The following CMTM7 variants were observed in gnomAD, a reference collection of about 807,000 sequenced individuals.
The protein encoded by CMTM7 is CKLF-like MARVEL transmembrane domain-containing protein 7.
Under a neutral mutation model 19.3 loss-of-function variants are expected in CMTM7, and 7 were observed. The observed-to-expected ratio is 0.36, with a 90% CI of 0.21 to 0.68. CMTM7 has a LOEUF of 0.68. Among genes scored for constraint, CMTM7 ranks in the 30% least tolerant of loss-of-function variants. The pLI, the probability that CMTM7 is intolerant of heterozygous loss-of-function variation, is 0.60. For synonymous variants in CMTM7, 87 were observed against 99.3 expected, an observed-to-expected ratio of 0.88 and a Z score of 0.74; for missense variants, 193 against 232.6, an observed-to-expected ratio of 0.83 and a Z score of 1.11.
chr3:32,401,469 G>A (rs1397927918), intron 1 of CMTM7, among the ~76,000 whole-genome samples: 1 of 152,224 alleles, frequency 6.6e-6, no homozygotes, highest in Non-Finnish European at 1.5e-5. Context: ...TGGCACTGCA[G>A]GGGCCCTAGA....
At position 32,454,786 on chromosome 3, in the gene CMTM7, G is replaced by A. The variant is rs552131940; in HGVS notation, c.*532G>A. ...GTGTCTCCTCTCCATCTCTGCCTTT[G>A]TTACCAGTGTGCATGTGTTTGTGTG... On this transcript the variant is annotated 3_prime_UTR_variant, in exon 5 of 5. Coordinates refer to ENST00000334983, the MANE Select transcript of CMTM7 (RefSeq NM_138410.4). The A allele has an allele frequency of 1.7e-4, 46 of 264,948 alleles. No individual in the cohort carries two copies. The highest frequency in any genetic ancestry group is 8.4e-5 in the Non-Finnish European group (11 of 131,148). 16.4% of individuals were successfully genotyped at this position (264,948 alleles called of 1,614,324 possible).
chr3:32,396,948 C>G (rs1010802759), intron 1 of CMTM7, among the ~76,000 whole-genome samples: 2 of 152,256 alleles, frequency 1.3e-5, no homozygotes, highest in African/African-American at 4.8e-5. Flanking sequence ...ACATTTATAA[C>G]TGCCACATTC....
At chr3:32,412,572 A>T (rs56709415) in intron 1 of CMTM7, among the ~76,000 whole-genome samples, 1 of 148,862 alleles carries the variant, frequency 6.7e-6, no homozygotes, top group Admixed American at 6.7e-5. Flanking sequence ...AGTTTTTTTC[A>T]TCTGGGTCTT....
At position 32,447,530 on chromosome 3, in the gene CMTM7, A is replaced by G. The variant is rs185598293; in HGVS notation, c.334-1924A>G. ...ACATTGCTGAAAGTAGGGATATTGAATTCTCCAACTATTATTTTTGAATTG... is the reference window on the plus strand; with the variant it reads ...ACATTGCTGAAAGTAGGGATATTGAGTTCTCCAACTATTATTTTTGAATTG... On this transcript the variant is annotated intron_variant, in intron 2 of 4. Transcript: ENST00000334983. 1.5e-3 allele frequency among the ~76,000 whole-genome samples: 224 copies of G among 152,280 alleles called. 1 individual carries two copies. Among genetic ancestry groups the G allele is most frequent in the East Asian group, 0.012 (60 of 5,184 alleles).
intron 1 of CMTM7, among the ~76,000 whole-genome samples, chr3:32,438,897 T>C (rs886758873): frequency 3.9e-5 from 6 of 152,190 alleles, no homozygotes; most frequent in African/African-American, 1.4e-4. Flanking sequence ...AGTTGGAAAA[T>C]TATTTTAATC....
intron 1 of CMTM7, among the ~76,000 whole-genome samples, chr3:32,402,313 T>A (rs1696022285): frequency 6.6e-6 from 1 of 152,096 alleles, no homozygotes; most frequent in Non-Finnish European, 1.5e-5. Context: ...GGTTTCTCCA[T>A]GTTGGCCAAG....
At position 32,411,667 on chromosome 3, in the gene CMTM7, C is replaced by CTT. The variant is rs1330780855; in HGVS notation, c.159+19603_159+19604insTT. 2.0e-5 allele frequency among the ~76,000 whole-genome samples: 3 copies of CTT among 152,372 alleles called. No individual in the cohort carries two copies. The East Asian group carries it at 5.8e-4, about 29-fold the overall frequency. The stretch of plus-strand genomic sequence containing the variant: ...GGGTCAAGGTGCTCTACTCTTGTCT[C>CTT]TGAGATTTTCTTCCTCCTGCTGGCA... On this transcript the variant is annotated intron_variant, in intron 1 of 4. Transcript: ENST00000334983.
At chr3:32,450,554 G>A (rs1696814751) in intron 3 of CMTM7, among the ~76,000 whole-genome samples, 1 of 152,138 alleles carries the variant, frequency 6.6e-6, no homozygotes. Context: ...AGGTCAGCAT[G>A]GGGGCAGAAG....
chr3:32,409,379 G>A (rs982591273), intron 1 of CMTM7, among the ~76,000 whole-genome samples: 9 of 152,104 alleles, frequency 5.9e-5, no homozygotes, highest in African/African-American at 2.2e-4. Flanking sequence ...ATGCTCTTTT[G>A]TCCATGAGTG....
chr3:32,449,693 C>G lies in CMTM7; in HGVS notation c.432+141C>G, dbSNP rs937529454. On this transcript the variant is annotated intron_variant, in intron 3 of 4. Coordinates refer to ENST00000334983, the MANE Select transcript of CMTM7 (RefSeq NM_138410.4). This position sits in a 1 kb window ranked among gnomAD's most constrained non-coding sequence, Gnocchi z 4.5. ...ACCTACCTTGATCCAGCCATCAGCT[C>G]TCTCCAAAGAGCCTTAAGCAGAGGC... 4.2e-6 allele frequency: 3 copies of G among 710,824 alleles called. No homozygotes were observed. The highest frequency in any genetic ancestry group is 4.3e-5 in the Admixed American group (2 of 46,460). 44.0% of individuals were successfully genotyped at this position (710,824 alleles called of 1,614,324 possible). A position where few individuals can be genotyped will look rare whatever the true frequency, so the allele number is the denominator to read the frequency against.
At chr3:32,392,943 T>C (rs1695862038) in intron 1 of CMTM7, among the ~76,000 whole-genome samples, 1 of 151,962 alleles carries the variant, frequency 6.6e-6, no homozygotes, top group Non-Finnish European at 1.5e-5. Context: ...AACTTTTCCG[T>C]TTGTATGATG....
chr3:32,417,635 G>A (rs530255806), intron 1 of CMTM7, among the ~76,000 whole-genome samples: 1 of 152,298 alleles, frequency 6.6e-6, no homozygotes, highest in Admixed American at 6.5e-5. Context: ...ATAAGAAACT[G>A]CAAAGTTGTT....
At chr3:32,404,646 C>T (rs1575109692) in intron 1 of CMTM7, among the ~76,000 whole-genome samples, 1 of 152,226 alleles carries the variant, frequency 6.6e-6, no homozygotes, top group East Asian at 1.9e-4. Flanking sequence ...GCTATCTCTC[C>T]ATGTATGGAA....
chr3:32,418,427 G>GT (rs959732223), intron 1 of CMTM7, among the ~76,000 whole-genome samples: 53 of 152,050 alleles, frequency 3.5e-4, no homozygotes, highest in African/African-American at 1.2e-3. Flanking sequence ...TAATTTATCA[G>GT]TTTTTTTTCC....
intron 1 of CMTM7, among the ~76,000 whole-genome samples, chr3:32,414,120 C>T (rs1301522111): frequency 6.6e-6 from 1 of 152,138 alleles, no homozygotes; most frequent in African/African-American, 2.4e-5. Context: ...TCCACCTGGT[C>T]CTGTCTTGCT....
At chr3:32,397,158 G>A (rs1215257611) in intron 1 of CMTM7, among the ~76,000 whole-genome samples, 1 of 152,140 alleles carries the variant, frequency 6.6e-6, no homozygotes, top group Admixed American at 6.6e-5. Flanking sequence ...CAATTACAGA[G>A]TAGAGACTCT....
intron 1 of CMTM7, among the ~76,000 whole-genome samples, chr3:32,396,557 CTG>C (rs528570164): frequency 8.1e-4 from 101 of 123,976 alleles, no homozygotes; most frequent in African/African-American, 2.6e-3. Context: ...TTGCACAACT[CTG>C]TGAATATATT....
At chr3:32,431,829 T>C (rs1696524415) in intron 1 of CMTM7, among the ~76,000 whole-genome samples, 1 of 152,230 alleles carries the variant, frequency 6.6e-6, no homozygotes, top group East Asian at 1.9e-4. Flanking sequence ...ACTGTTGTGA[T>C]GAACTTAGTT....
chr3:32,431,631 G>A (rs529364435), intron 1 of CMTM7, among the ~76,000 whole-genome samples: 32 of 152,248 alleles, frequency 2.1e-4, no homozygotes, highest in African/African-American at 7.2e-4. Context: ...TGGGACAGGG[G>A]GCTCTGTATA....
Sources: allele counts gnomAD v4.1 joint callset (sites outside exome capture counted in the v4.1 genomes callset), GRCh38; gene constraint gnomAD v4.1.1; non-coding constraint Gnocchi (gnomAD v3.1); transcripts MANE v1.5; gene names NCBI Gene and HGNC (gene_info 2026-07-23, HGNC 2026-07-21).